The following CLIP1 variants were observed in gnomAD, a reference collection of about 807,000 sequenced individuals.
CLIP1 encodes CAP-Gly domain-containing linker protein 1.
A neutral mutation model predicts 161.6 loss-of-function variants in CLIP1; 66 were observed. The observed-to-expected ratio is 0.41, with a 90% CI of 0.33 to 0.50. The LOEUF is 0.50. Among genes scored for constraint, CLIP1 ranks in the 20% least tolerant of loss-of-function variants. CLIP1 has a pLI of 0.27. For synonymous variants in CLIP1, 598 were observed against 626.2 expected, an observed-to-expected ratio of 0.96 and a Z score of 0.67; for missense variants, 1,376 against 1,702.0, an observed-to-expected ratio of 0.81 and a Z score of 3.37.
chr12:122,388,252 C>G (rs1326829277), intron 1 of CLIP1, among the ~76,000 whole-genome samples: 1 of 150,634 alleles, frequency 6.6e-6, no homozygotes, highest in African/African-American at 2.5e-5. Context: ...TGGAGTCTCA[C>G]TCTGCCGCCC....
intron 1 of CLIP1, among the ~76,000 whole-genome samples, chr12:122,387,171 C>T (rs796279814): frequency 5.9e-5 from 9 of 152,264 alleles, no homozygotes; most frequent in African/African-American, 1.7e-4. Context: ...GGATTACAGG[C>T]GTGCACCACC....
intron 1 of CLIP1, among the ~76,000 whole-genome samples, chr12:122,418,165 A>G (rs1956818783): frequency 6.6e-6 from 1 of 152,004 alleles, no homozygotes; most frequent in African/African-American, 2.4e-5. Context: ...AATAACAGGG[A>G]TTTCTGTCTT....
intron 1 of CLIP1, among the ~76,000 whole-genome samples, chr12:122,403,403 G>A (rs1015280119): frequency 4.6e-5 from 7 of 150,908 alleles, no homozygotes; most frequent in Non-Finnish European, 7.4e-5. Flanking sequence ...CTGAGCTACC[G>A]ATGAAAAATT....
At chr12:122,304,493 C>T (rs566270836) in intron 20 of CLIP1, among the ~76,000 whole-genome samples, 1 of 152,176 alleles carries the variant, frequency 6.6e-6, no homozygotes, top group East Asian at 1.9e-4. Context: ...CCCGAGTAGC[C>T]AGAATTACAG....
At chr12:122,283,041 G>A (rs1166937534) in intron 21 of CLIP1, among the ~76,000 whole-genome samples, 1 of 152,148 alleles carries the variant, frequency 6.6e-6, no homozygotes, top group Admixed American at 6.6e-5. Flanking sequence ...CAGAAATCCT[G>A]CACTGGCACT....
intron 21 of CLIP1, chr12:122,280,577 G>C (rs965065714): frequency 6.6e-6 from 1 of 152,214 alleles, no homozygotes; most frequent in African/African-American, 2.4e-5. Flanking sequence ...TGTTTCAGCT[G>C]AGAGTATGCT....
At chr12:122,306,067 A>AT (rs1051051219) in intron 20 of CLIP1, among the ~76,000 whole-genome samples, 4 of 149,556 alleles carry the variant, frequency 2.7e-5, no homozygotes, top group Non-Finnish European at 5.9e-5. Context: ...AAAAAAAAAA[A>AT]GCAAGCAGAA....
At chr12:122,338,704 G>A (rs1444924259) in intron 11 of CLIP1, among the ~76,000 whole-genome samples, 1 of 152,006 alleles carries the variant, frequency 6.6e-6, no homozygotes, top group Non-Finnish European at 1.5e-5. Context: ...GCAACAGAGT[G>A]AGACTGTCTC....
intron 20 of CLIP1, among the ~76,000 whole-genome samples, chr12:122,299,565 T>C (rs1242348139): frequency 4.2e-5 from 6 of 143,106 alleles, no homozygotes; most frequent in Non-Finnish European, 9.0e-5. Context: ...TTTATTATTG[T>C]TGTTAAAATG....
In CLIP1 at chr12:122,341,356, G is replaced by T; in HGVS notation, c.1848C>A (p.Asn616Lys). ...KSKLEHANKENSDVIALWKSK... is the reference protein window; with the variant it reads ...KSKLEHANKEKSDVIALWKSK... ...ACTTCCATAGAGCTATCACATCTGA[G>T]TTCTCTTTGTTGGCATGCTCCAGCT... Residue 616 changes from asparagine (N) to lysine (K), a missense_variant, in exon 11 of 26, where the codon AAC becomes AAA. Physicochemically the swap from Asn to Lys is moderately conservative, Grantham distance 94 (BLOSUM62 0). Transcript: ENST00000620786. 6.2e-7 allele frequency: 1 copy of T among 1,614,118 alleles called. No individual in the cohort carries two copies. Among genetic ancestry groups the T allele is most frequent in the Non-Finnish European group, 8.5e-7 (1 of 1,180,020 alleles).
rs1952471350 is a variant in CLIP1 at position 122,340,993 on chromosome 12, T to C, written c.2211A>G (p.Glu737=). Residue 737 remains glutamate, a synonymous_variant, in exon 11 of 26, where the codon GAA becomes GAG. Coordinates refer to ENST00000620786, the MANE Select transcript of CLIP1 (RefSeq NM_001247997.2). ...EMEDTLNKLQ[E]AEIKVKELEV... is the part of the protein sequence containing the mutation. ...CTAGCTCCTTTACCTTTATTTCAGCTTCCTGTAATTTGTTTAACGTGTCTT... is the reference window on the plus strand; with the variant it reads ...CTAGCTCCTTTACCTTTATTTCAGCCTCCTGTAATTTGTTTAACGTGTCTT... 2 of 1,614,222 alleles carry C rather than the reference T, an allele frequency of 1.2e-6. No individual in the cohort carries two copies. Among genetic ancestry groups the C allele is most frequent in the Non-Finnish European group, 1.7e-6 (2 of 1,180,038 alleles).
intron 1 of CLIP1, among the ~76,000 whole-genome samples, chr12:122,397,827 T>C (rs10846792): frequency 0.79 from 119,459 of 151,636 alleles, 47,341 homozygotes; most frequent in East Asian, 0.85. Context: ...TGGAGGCGCA[T>C]GCCTGTAATC....
Position 122,330,223 on chromosome 12 carries a change from T to C in CLIP1, c.2868-1797A>G, listed in dbSNP as rs114498026. On this transcript the variant is annotated intron_variant, in intron 15 of 25. Coordinates refer to ENST00000620786, the MANE Select transcript of CLIP1 (RefSeq NM_001247997.2). The stretch of plus-strand genomic sequence containing the variant: ...ACTTGGGGGGCACTTCTGAATTTTA[T>C]AGCCACAAAATACCTACAAAAATGG... Among the ~76,000 whole-genome samples, 1,074 of 152,300 alleles carry C rather than the reference T, an allele frequency of 7.1e-3. 10 individuals carry two copies. Among genetic ancestry groups the C allele is most frequent in the African/African-American group, 0.025 (1,019 of 41,566 alleles).
intron 5 of CLIP1, chr12:122,356,178 T>C (rs185117531): frequency 1.3e-5 from 2 of 152,356 alleles, no homozygotes; most frequent in East Asian, 3.8e-4. Context: ...TTTCATTATA[T>C]AGCTAAATTA....
intron 10 of CLIP1, among the ~76,000 whole-genome samples, chr12:122,346,050 TGCTGGGATTACA>T (rs1593122452): frequency 1.3e-5 from 2 of 152,174 alleles, no homozygotes; most frequent in East Asian, 3.9e-4. Context: ...CCTCCCAAAG[TGCTGGGATTACA>T]GGCATGAGCC....
chr12:122,405,291 C>T (rs188671253), intron 1 of CLIP1, among the ~76,000 whole-genome samples: 269 of 152,198 alleles, frequency 1.8e-3, no homozygotes, highest in African/African-American at 6.3e-3. Flanking sequence ...GTACTATGGT[C>T]AAAAAAGTCA....
intron 20 of CLIP1, among the ~76,000 whole-genome samples, chr12:122,304,593 T>C (rs1384484748): frequency 1.3e-5 from 2 of 152,202 alleles, no homozygotes; most frequent in Non-Finnish European, 2.9e-5. Flanking sequence ...ACTCCTGACC[T>C]CAGGTGATCT....
At chr12:122,335,166 G>A (rs567206850) in intron 12 of CLIP1, among the ~76,000 whole-genome samples, 20 of 152,084 alleles carry the variant, frequency 1.3e-4, no homozygotes, top group Admixed American at 5.2e-4. Flanking sequence ...AAACTGAAAA[G>A]GCCCATAAGT....
intron 1 of CLIP1, among the ~76,000 whole-genome samples, chr12:122,412,574 G>C (rs989067845): frequency 8.6e-5 from 13 of 151,936 alleles, no homozygotes; most frequent in African/African-American, 3.1e-4. Flanking sequence ...AGAATCATTT[G>C]AACTCGGTAG....
Sources: gnomAD v4.1 joint callset for allele counts (sites outside exome capture counted in the v4.1 genomes callset) on GRCh38, gnomAD v4.1.1 for gene constraint, MANE v1.5 for transcripts, NCBI Gene and HGNC (gene_info 2026-07-23, HGNC 2026-07-21) for gene names.